GRK3: variants seen among roughly 807,000 people sequenced by gnomAD.
The protein encoded by GRK3 is G protein-coupled receptor kinase 3, also known as adrenergic, beta, receptor kinase 2.
GRK3 carries 54 observed loss-of-function variants against 95.7 expected under a neutral mutation model. The ratio of observed to expected loss-of-function variants is 0.56; its 90% confidence interval spans 0.45 to 0.71. The LOEUF (loss-of-function observed/expected upper bound fraction) is 0.71, where lower values mean the gene tolerates loss of function less well. Ranked by LOEUF, GRK3 falls within the 30% of genes least tolerant of loss-of-function variation. GRK3 has a pLI of 0.00. For synonymous variants in GRK3, 281 were observed against 290.8 expected (o/e 0.97, Z 0.34); for missense variants, 649 against 851.2 (o/e 0.76, Z 2.96).
intron 1 of GRK3, chr22:25,580,950 C>G (rs1444770474): frequency 6.6e-6 from 1 of 152,142 alleles, no homozygotes; most frequent in Non-Finnish European, 1.5e-5. Context: ...ACACCAAAAC[C>G]TCATCTCTAC....
intron 3 of GRK3, among the ~76,000 whole-genome samples, chr22:25,645,796 C>T (rs112178670): frequency 1.6e-4 from 25 of 152,202 alleles, no homozygotes; most frequent in African/African-American, 5.5e-4. Context: ...TGGTGGGCGC[C>T]TGTAGTCCCA....
chr22:25,602,956 C>T (rs2084418847), intron 1 of GRK3, among the ~76,000 whole-genome samples: 1 of 152,146 alleles, frequency 6.6e-6, no homozygotes, highest in Admixed American at 6.5e-5. Flanking sequence ...TCATTCTGTC[C>T]CCCAAGCTGG....
At chr22:25,616,412 G>A (rs2084539185) in intron 2 of GRK3, among the ~76,000 whole-genome samples, 1 of 151,430 alleles carries the variant, frequency 6.6e-6, no homozygotes, top group South Asian at 2.1e-4. Context: ...GAGAGAAAGA[G>A]AGAGAGGCGA....
At chr22:25,714,996 A>G (rs1419515726) in intron 18 of GRK3, 1 of 153,094 alleles carries the variant, frequency 6.5e-6, no homozygotes, top group African/African-American at 2.4e-5. Flanking sequence ...CTGCCTTTTC[A>G]TTTTGCACTG....
intron 1 of GRK3, among the ~76,000 whole-genome samples, chr22:25,584,238 G>A (rs192542544): frequency 6.2e-4 from 94 of 152,354 alleles, no homozygotes; most frequent in African/African-American, 2.2e-3. Flanking sequence ...AGTCAATTGA[G>A]GCCTGAAAAT....
chr22:25,649,033 T>G (rs1424097837), intron 3 of GRK3: 282 of 1,344,476 alleles, frequency 2.1e-4, no homozygotes, highest in Non-Finnish European at 1.9e-4. Context: ...CCAGGTATGG[T>G]GAACCATGAA....
At position 25,717,310 on chromosome 22, in the gene GRK3, C is replaced by T. The variant is rs147285346; in HGVS notation, c.1655-935C>T. Among the ~76,000 whole-genome samples the T allele has an allele frequency of 3.5e-4, 54 of 152,266 alleles. 1 individual carries two copies. In the Middle Eastern group the frequency reaches 0.027, roughly 77 times the overall value. ...CTGTGCTCGTATTTTAAACAGATTT[C>T]GGAAATGCAAGCACTTCTCAGTGAA... On this transcript the variant is annotated intron_variant, in intron 18 of 20. Transcript: ENST00000324198.
chr22:25,669,792 T>G lies in GRK3; in HGVS notation c.503+1992T>G, dbSNP rs544370543. 2.0e-5 allele frequency among the ~76,000 whole-genome samples: 3 copies of G among 152,356 alleles called. No homozygotes were observed. In the South Asian group the frequency reaches 6.2e-4, roughly 32 times the overall value. On this transcript the variant is annotated intron_variant, in intron 6 of 20. Coordinates refer to ENST00000324198, the MANE Select transcript of GRK3 (RefSeq NM_005160.4). Reference sequence around the variant, plus strand: ...TGTAGGCACTTCTCTCTTCCTTGTTTGTTAACCCTCCTCAGCTAGTTGTAA... The same window carrying G: ...TGTAGGCACTTCTCTCTTCCTTGTTGGTTAACCCTCCTCAGCTAGTTGTAA...
chr22:25,656,617 A>T (rs1330214346), intron 3 of GRK3, among the ~76,000 whole-genome samples: 1 of 152,174 alleles, frequency 6.6e-6, no homozygotes, highest in East Asian at 1.9e-4. Flanking sequence ...ATGAGCTACT[A>T]CTACTCCTGG....
intron 11 of GRK3, among the ~76,000 whole-genome samples, chr22:25,688,197 C>G (rs1452370141): frequency 1.4e-5 from 2 of 144,466 alleles, no homozygotes; most frequent in Non-Finnish European, 3.0e-5. Context: ...GATTGCACCA[C>G]TGCACTCCAG....
At chr22:25,577,725 C>G (rs1278812344) in intron 1 of GRK3, among the ~76,000 whole-genome samples, 1 of 152,166 alleles carries the variant, frequency 6.6e-6, no homozygotes, top group Non-Finnish European at 1.5e-5. Context: ...TTTGGAATTG[C>G]TGCATGAGAT....
chr22:25,615,056 G>A lies in GRK3; in HGVS notation c.190+10603G>A, dbSNP rs539204386. On this transcript the variant is annotated intron_variant, in intron 2 of 20. Transcript: ENST00000324198. ...CAAGCAGCCCCTGAGATTCCCAGAAGAGCCTACTGGTCATTTTCCTGAGGC... is the reference window on the plus strand; with the variant it reads ...CAAGCAGCCCCTGAGATTCCCAGAAAAGCCTACTGGTCATTTTCCTGAGGC... Among the ~76,000 whole-genome samples, 10 of 152,288 alleles carry A rather than the reference G, an allele frequency of 6.6e-5. 1 individual carries two copies. The highest frequency in any genetic ancestry group is 2.4e-4 in the African/African-American group (10 of 41,538).
At chr22:25,661,540 G>T in intron 3 of GRK3, 36 bp from the exon 4 acceptor site, 1 of 1,399,154 alleles carries the variant, frequency 7.1e-7, no homozygotes. Context: ...TTTCCAGGAA[G>T]ATACAACCTA....
At chr22:25,688,186 A>G (rs1430691000) in intron 11 of GRK3, among the ~76,000 whole-genome samples, 1 of 145,976 alleles carries the variant, frequency 6.9e-6, no homozygotes, top group Non-Finnish European at 1.5e-5. Flanking sequence ...CAGTGAGCTG[A>G]GATTGCACCA....
At chr22:25,667,596 A>G (rs1025908750) in intron 5 of GRK3, 143 bp from the exon 6 acceptor site, 11 of 600,992 alleles carry the variant, frequency 1.8e-5, no homozygotes, top group Admixed American at 6.0e-5. Context: ...ATATTAGACA[A>G]GCACGGAGAA....
intron 5 of GRK3, 58 bp downstream of exon 5, chr22:25,663,762 T>G: frequency 3.1e-6 from 4 of 1,271,790 alleles, no homozygotes; most frequent in Non-Finnish European, 4.6e-6. Context: ...TTGGCCTTGG[T>G]GACATTCTTT....
intron 13 of GRK3, among the ~76,000 whole-genome samples, chr22:25,701,927 A>T (rs894471519): frequency 6.6e-6 from 1 of 152,236 alleles, no homozygotes; most frequent in African/African-American, 2.4e-5. Context: ...GTATGTTTTT[A>T]AAAATTATAA....
At chr22:25,689,599 C>T (rs993407282) in intron 11 of GRK3, among the ~76,000 whole-genome samples, 6 of 152,126 alleles carry the variant, frequency 3.9e-5, no homozygotes, top group African/African-American at 1.4e-4. Context: ...GGATACATTT[C>T]ATCAGAGTTG....
chr22:25,588,471 CAA>C (rs1932390280), intron 1 of GRK3, among the ~76,000 whole-genome samples: 1 of 152,168 alleles, frequency 6.6e-6, no homozygotes, highest in Non-Finnish European at 1.5e-5. Flanking sequence ...TGAGGAAACT[CAA>C]AGAGTTGACA....
Sources: allele counts gnomAD v4.1 joint callset (sites outside exome capture counted in the v4.1 genomes callset), GRCh38; gene constraint gnomAD v4.1.1; transcripts MANE v1.5; gene names NCBI Gene and HGNC (gene_info 2026-07-23, HGNC 2026-07-21).